Variants in TUSC3 observed in about 807,000 individuals in gnomAD.
TUSC3 encodes the protein tumor suppressor candidate 3, also known as dolichyl-diphosphooligosaccharide--protein glycosyltransferase subunit TUSC3.
TUSC3 carries 45 observed loss-of-function variants against 44.8 expected under a neutral mutation model. The observed-to-expected ratio is 1.00, with a 90% confidence interval of 0.79 to 1.29. TUSC3 has a LOEUF of 1.29. TUSC3 is among the 50% of genes most tolerant of loss of function. TUSC3 has a pLI of 0.00. For missense variants in TUSC3, 519 were observed against 437.9 expected (o/e 1.19, Z -1.65); for synonymous variants, 212 against 152.9 (o/e 1.39, Z -2.85).
At chr8:15,815,526 A>G in the TUSC3 span, among the ~76,000 whole-genome samples, 1 of 152,152 alleles carries the variant, frequency 6.6e-6, no homozygotes, top group East Asian at 1.9e-4. Context: ...TCAAGCCAAA[A>G]CAATATGTAG....
the TUSC3 span, among the ~76,000 whole-genome samples, chr8:15,775,334 C>T: frequency 6.6e-6 from 1 of 151,864 alleles, no homozygotes; most frequent in Non-Finnish European, 1.5e-5. Context: ...TATTTAGTGG[C>T]TTGAGGGTTA....
chr8:15,704,109 A>T (rs1809516006), intron 6 of TUSC3, among the ~76,000 whole-genome samples: 1 of 152,102 alleles, frequency 6.6e-6, no homozygotes, highest in Non-Finnish European at 1.5e-5. Flanking sequence ...GTTGAGGAGA[A>T]TGCTTTTTTA....
At chr8:15,571,046 T>G (rs1802857562) in intron 1 of TUSC3, among the ~76,000 whole-genome samples, 1 of 143,598 alleles carries the variant, frequency 7.0e-6, no homozygotes, top group African/African-American at 2.6e-5. Context: ...AACCTCTACC[T>G]CCTAGGTTCA....
At chr8:15,851,190 A>T in the TUSC3 span, among the ~76,000 whole-genome samples, 1 of 152,236 alleles carries the variant, frequency 6.6e-6, no homozygotes, top group Non-Finnish European at 1.5e-5. Flanking sequence ...TAGTTTGACC[A>T]AAGCCTTGTT....
intron 1 of TUSC3, among the ~76,000 whole-genome samples, chr8:15,463,396 A>G (rs1377204492): frequency 1.3e-5 from 2 of 152,116 alleles, no homozygotes; most frequent in Non-Finnish European, 2.9e-5. Flanking sequence ...TAAACATGGG[A>G]AAATTATTAT....
chr8:15,446,456 G>A (rs183394069), intron 1 of TUSC3, among the ~76,000 whole-genome samples: 1,961 of 152,122 alleles, frequency 0.013, 40 homozygotes, highest in African/African-American at 0.045. Flanking sequence ...CTGAGTGAGC[G>A]AGACTCCGTC....
At chr8:15,564,976 A>C in intron 1 of TUSC3, among the ~76,000 whole-genome samples, 1 of 152,176 alleles carries the variant, frequency 6.6e-6, no homozygotes, top group Non-Finnish European at 1.5e-5. Context: ...AGCATTGTTC[A>C]GGGAAGTCCA....
chr8:15,661,075 T>G (rs750281986), intron 4 of TUSC3, among the ~76,000 whole-genome samples: 7 of 151,924 alleles, frequency 4.6e-5, no homozygotes, highest in Non-Finnish European at 1.0e-4. Flanking sequence ...TACCCCCATG[T>G]CTCTTTACCT....
chr8:15,473,362 G>A (rs2129123295), intron 1 of TUSC3, among the ~76,000 whole-genome samples: 1 of 152,280 alleles, frequency 6.6e-6, no homozygotes, highest in Admixed American at 6.5e-5. Context: ...CCCATACCCT[G>A]TCCTTGCTAG....
intron 6 of TUSC3, among the ~76,000 whole-genome samples, chr8:15,711,495 T>A (rs1247865890): frequency 6.9e-6 from 1 of 145,782 alleles, no homozygotes; most frequent in Non-Finnish European, 1.5e-5. Context: ...TGTGTGTGTG[T>A]ATTTAATATG....
chr8:15,733,982 T>C (rs1419228587), intron 7 of TUSC3, among the ~76,000 whole-genome samples: 1 of 152,164 alleles, frequency 6.6e-6, no homozygotes, highest in Non-Finnish European at 1.5e-5. Flanking sequence ...AGGTCAAGGC[T>C]GCAGTGAGCT....
At chr8:15,839,551 C>G in the TUSC3 span, among the ~76,000 whole-genome samples, 1 of 152,100 alleles carries the variant, frequency 6.6e-6, no homozygotes, top group African/African-American at 2.4e-5. Context: ...ACGACCCCAT[C>G]AACAAGTGGG....
the TUSC3 span, among the ~76,000 whole-genome samples, chr8:15,775,573 C>T: frequency 6.6e-6 from 1 of 151,320 alleles, no homozygotes; most frequent in South Asian, 2.1e-4. Context: ...CTTCAGTGTC[C>T]CAGTTAGCCT....
the TUSC3 span, among the ~76,000 whole-genome samples, chr8:15,819,142 A>C: frequency 6.6e-6 from 1 of 152,128 alleles, no homozygotes; most frequent in South Asian, 2.1e-4. Context: ...CTCCATCACC[A>C]CGAGTCATAG....
chr8:15,592,006 G>T (rs1240246993), intron 1 of TUSC3, among the ~76,000 whole-genome samples: 3 of 152,130 alleles, frequency 2.0e-5, no homozygotes, highest in Non-Finnish European at 2.9e-5. Context: ...AGCTATAGTA[G>T]TCTAGGTAAG....
chr8:15,507,378 T>C (rs1170944450), intron 2 of TUSC3, among the ~76,000 whole-genome samples: 1 of 149,234 alleles, frequency 6.7e-6, no homozygotes, highest in Non-Finnish European at 1.5e-5. Flanking sequence ...CCCTTTATAG[T>C]TCATGCCTTA....
At chr8:15,435,509 C>A (rs560922298) in intron 1 of TUSC3, among the ~76,000 whole-genome samples, 1 of 152,130 alleles carries the variant, frequency 6.6e-6, no homozygotes, top group African/African-American at 2.4e-5. Flanking sequence ...TTTCAAATAG[C>A]ATATTATATA....
intron 1 of TUSC3, among the ~76,000 whole-genome samples, chr8:15,570,265 TACACACACACACACACACACAC>T (rs3070896): frequency 6.8e-6 from 1 of 148,060 alleles, no homozygotes; most frequent in Non-Finnish European, 1.5e-5. Context: ...TAATGTATTT[TACACACACACACACACACACAC>T]ACACACACAC....
intron 6 of TUSC3, among the ~76,000 whole-genome samples, chr8:15,680,346 T>C (rs1808370876): frequency 6.6e-6 from 1 of 152,040 alleles, no homozygotes; most frequent in South Asian, 2.1e-4. Context: ...TGTATGTGTG[T>C]GTGTATGTTT....
Sources: gnomAD v4.1 joint callset for allele counts (sites outside exome capture counted in the v4.1 genomes callset) on GRCh38, gnomAD v4.1.1 for gene constraint, MANE v1.5 for transcripts, NCBI Gene and HGNC (gene_info 2026-07-23, HGNC 2026-07-21) for gene names.